Variants in COG4 observed in about 807,000 individuals in gnomAD.
COG4 encodes the protein conserved oligomeric Golgi complex subunit 4.
A neutral mutation model predicts 95.1 loss-of-function variants in COG4; 65 were observed. The ratio of observed to expected loss-of-function variants is 0.68; its 90% CI spans 0.56 to 0.84. The LOEUF is 0.84. Ranked by LOEUF, COG4 falls within the 40% of genes least tolerant of loss-of-function variation. COG4 has a pLI of 0.00. For missense variants in COG4, 1,045 were observed against 989.1 expected (o/e 1.06, Z -0.76); for synonymous variants, 421 against 374.8 (o/e 1.12, Z -1.42).
intron 6 of COG4, among the ~76,000 whole-genome samples, chr16:70,509,674 G>C (rs760913935): frequency 1.3e-5 from 2 of 152,120 alleles, no homozygotes; most frequent in African/African-American, 2.4e-5. Context: ...TTTATTTTAG[G>C]GTTAAATTTA....
intron 8 of COG4, among the ~76,000 whole-genome samples, chr16:70,501,798 T>G (rs1250172554): frequency 6.6e-6 from 1 of 151,160 alleles, no homozygotes; most frequent in African/African-American, 2.4e-5. Context: ...ATTACAGGAG[T>G]GTGCCACCCC....
At chr16:70,490,210 C>T (rs1383997609) in intron 13 of COG4, 120 bp downstream of exon 13, 1 of 831,654 alleles carries the variant, frequency 1.2e-6, no homozygotes, top group Non-Finnish European at 2.1e-6. Flanking sequence ...ACCAAAGAAT[C>T]CCCTCAAGTG....
At chr16:70,506,233 T>G (rs980374570) in intron 8 of COG4, among the ~76,000 whole-genome samples, 9 of 149,068 alleles carry the variant, frequency 6.0e-5, no homozygotes, top group Admixed American at 1.3e-4. Context: ...CTGTCTCTAC[T>G]AAAAATACAA....
chr16:70,508,557 A>T, intron 7 of COG4, 93 bp from the exon 8 acceptor site: 3 of 1,092,472 alleles, frequency 2.7e-6, no homozygotes, highest in Non-Finnish European at 4.2e-6. Flanking sequence ...ATACAAGAAC[A>T]TTTAGATTTA....
chr16:70,516,068 T>A (rs1274881127), intron 3 of COG4: 1 of 455,948 alleles, frequency 2.2e-6, no homozygotes, highest in Non-Finnish European at 4.4e-6. Context: ...TGAATTTTGT[T>A]AAATGTTTTC....
At chr16:70,495,853 G>C (rs979576877) in intron 12 of COG4, among the ~76,000 whole-genome samples, 2 of 152,228 alleles carry the variant, frequency 1.3e-5, no homozygotes, top group African/African-American at 4.8e-5. Flanking sequence ...TGTACTAGCA[G>C]AGCAGTGATG....
chr16:70,482,367 G>C (rs2049016890), intron 15 of COG4, 192 bp from the exon 16 acceptor site: 2 of 661,890 alleles, frequency 3.0e-6, no homozygotes, highest in Non-Finnish European at 5.5e-6. Context: ...CAGGGCTGTA[G>C]CAGTGGCCCA....
At chr16:70,481,652 G>C in intron 17 of COG4, 112 bp downstream of exon 17, 1 of 1,343,742 alleles carries the variant, frequency 7.4e-7, no homozygotes, top group Non-Finnish European at 1.1e-6. Flanking sequence ...ACCCAGACAT[G>C]CAGGGCCTGT....
intron 2 of COG4, 134 bp from the exon 3 acceptor site, chr16:70,517,874 C>A: frequency 1.5e-6 from 1 of 684,398 alleles, no homozygotes; most frequent in Non-Finnish European, 2.6e-6. Context: ...TTGCTCTATA[C>A]TCAGCTTTTT....
intron 13 of COG4, among the ~76,000 whole-genome samples, chr16:70,485,280 T>C (rs1213883670): frequency 6.7e-6 from 1 of 150,360 alleles, no homozygotes; most frequent in African/African-American, 2.5e-5. Flanking sequence ...CTCGGCTCAC[T>C]GCAACCTCCG....
At chr16:70,515,240 C>T (rs2049797846) in intron 3 of COG4, among the ~76,000 whole-genome samples, 1 of 151,946 alleles carries the variant, frequency 6.6e-6, no homozygotes, top group African/African-American at 2.4e-5. Flanking sequence ...CAGGCTGGCC[C>T]TGAACTCTTG....
At chr16:70,510,971 G>T (rs949080903) in intron 5 of COG4, among the ~76,000 whole-genome samples, 2 of 151,808 alleles carry the variant, frequency 1.3e-5, no homozygotes, top group Non-Finnish European at 2.9e-5. Flanking sequence ...CACCATGTTG[G>T]CCAGGCTGGT....
At chr16:70,503,641 C>T (rs1187440322) in intron 8 of COG4, among the ~76,000 whole-genome samples, 1 of 120,848 alleles carries the variant, frequency 8.3e-6, no homozygotes, top group East Asian at 1.9e-4. Context: ...GTCGCCCAGG[C>T]TGGAGTGCAG....
At chr16:70,498,086 T>G (rs749932867) in intron 9 of COG4, 31 bp from the exon 10 acceptor site, 78 of 1,446,590 alleles carry the variant, frequency 5.4e-5, no homozygotes, top group Non-Finnish European at 7.2e-5. Flanking sequence ...GAATACTCAT[T>G]TTTTTTCCCC....
At chr16:70,485,103 C>A (rs2049099700) in intron 13 of COG4, among the ~76,000 whole-genome samples, 1 of 152,008 alleles carries the variant, frequency 6.6e-6, no homozygotes, top group South Asian at 2.1e-4. Flanking sequence ...AGCATGGTGG[C>A]TCACTATTGT....
chr16:70,507,348 C>T (rs2049600089), intron 8 of COG4, among the ~76,000 whole-genome samples: 1 of 152,040 alleles, frequency 6.6e-6, no homozygotes, highest in African/African-American at 2.4e-5. Context: ...TGGTACAGTA[C>T]ATAATACTGT....
chr16:70,519,541 C>T, intron 2 of COG4, 108 bp downstream of exon 2: 2 of 774,296 alleles, frequency 2.6e-6, no homozygotes, highest in East Asian at 5.1e-5. Flanking sequence ...ATACCCTTTA[C>T]ATTTCAAGCT....
intron 4 of COG4, among the ~76,000 whole-genome samples, chr16:70,513,372 T>C (rs1256146372): frequency 1.3e-5 from 2 of 152,180 alleles, no homozygotes; most frequent in Non-Finnish European, 2.9e-5. Context: ...AGAGAATCAG[T>C]AGATCTGGAT....
chr16:70,500,871 C>G, intron 9 of COG4, 87 bp downstream of exon 9: 1 of 1,528,230 alleles, frequency 6.5e-7, no homozygotes, highest in Non-Finnish European at 9.0e-7. Flanking sequence ...CCAATTGTTT[C>G]CTTAATAAGA....
Sources: gnomAD v4.1 joint callset for allele counts (sites outside exome capture counted in the v4.1 genomes callset) on GRCh38, gnomAD v4.1.1 for gene constraint, MANE v1.5 for transcripts, NCBI Gene and HGNC (gene_info 2026-07-23, HGNC 2026-07-21) for gene names.